The following KCNN4 variants were observed in gnomAD, a reference collection of about 807,000 sequenced individuals.
KCNN4 encodes intermediate conductance calcium-activated potassium channel protein 4.
A neutral mutation model predicts 45.2 loss-of-function variants in KCNN4; 31 were observed. That is an observed-to-expected ratio of 0.69 (90% confidence interval 0.52 to 0.92). KCNN4 has a LOEUF of 0.92. Among genes scored for constraint, KCNN4 ranks in the 40% least tolerant of loss-of-function variants. The probability of loss-of-function intolerance (pLI) is 0.00; values close to 1 mark genes in which losing one functional copy is unlikely to be tolerated. For missense variants in KCNN4, 463 were observed against 574.0 expected (o/e 0.81, Z 1.98); for synonymous variants, 231 against 254.6 (o/e 0.91, Z 0.88).
intron 7 of KCNN4, 101 bp downstream of exon 7, chr19:43,768,862 G>T (rs1466432099): frequency 5.5e-6 from 6 of 1,092,936 alleles, no homozygotes; most frequent in South Asian, 2.5e-5. Context: ...GGCTGTGTGT[G>T]CCAGGCCCCT....
intron 4 of KCNN4, among the ~76,000 whole-genome samples, chr19:43,771,654 A>G (rs1289813977): frequency 1.3e-5 from 2 of 152,110 alleles, no homozygotes; most frequent in Non-Finnish European, 2.9e-5. Context: ...AGAGAGAGCA[A>G]GGACTTAGGG....
intron 1 of KCNN4, among the ~76,000 whole-genome samples, chr19:43,778,250 T>C (rs1327531679): frequency 1.3e-5 from 2 of 152,156 alleles, no homozygotes; most frequent in Non-Finnish European, 2.9e-5. Flanking sequence ...TTGTCTCTTT[T>C]TTTTTTTGAG....
chr19:43,767,758 C>T (rs1969524845), intron 7 of KCNN4, 51 bp from the exon 8 acceptor site: 1 of 1,607,536 alleles, frequency 6.2e-7, no homozygotes. Context: ...CGACCCCCAC[C>T]TACTCCATAG....
chr19:43,772,233 G>C lies in KCNN4; in HGVS notation c.684-98C>G. ...ATACCCTCCCATCCCCTTCCCTCTGGTTCCCTCCCTTCCCCTCCCAGTATA... is the reference window on the plus strand; with the variant it reads ...ATACCCTCCCATCCCCTTCCCTCTGCTTCCCTCCCTTCCCCTCCCAGTATA... On this transcript the variant is annotated intron_variant, in intron 3 of 8. Coordinates refer to ENST00000648319, the MANE Select transcript of KCNN4 (RefSeq NM_002250.3). The surrounding 1 kb of genome is among the most constrained non-coding windows in gnomAD (Gnocchi z 4.4). The C allele has an allele frequency of 7.4e-7, 1 of 1,348,282 alleles. No individual in the cohort carries two copies. Among genetic ancestry groups the C allele is most frequent in the Non-Finnish European group, 1.0e-6 (1 of 988,590 alleles). The allele number at this position is 1,348,282 out of a possible 1,614,324, so 83.5% of individuals were successfully genotyped here. A position where few individuals can be genotyped will look rare whatever the true frequency, so the allele number is the denominator to read the frequency against.
rs1418391975 is a variant in KCNN4, at chr19:43,780,809, A to G, written c.53T>C (p.Leu18Ser). ...GGCCAGAGACTTCTCCTGCTCCAGC[A>G]AGCGCTTTCGGCGTCTCAAGGCCCC... ...GLGALRRRKR[L>S]LEQEKSLAGW... The change falls in exon 1 of 9, where the codon TTG becomes TCG. Residue 18 changes from leucine to serine, a missense_variant. This residue lies in a region of KCNN4 where 225 missense variants were observed against 240.9 expected (regional missense o/e 0.93). Transcript: ENST00000648319. 1 of 1,613,842 alleles carries G rather than the reference A, an allele frequency of 6.2e-7. No homozygotes were observed. Among genetic ancestry groups the G allele is most frequent in the African/African-American group, 1.3e-5 (1 of 74,840 alleles).
At chr19:43,775,349 T>G (rs1969769778) in intron 2 of KCNN4, among the ~76,000 whole-genome samples, 1 of 151,860 alleles carries the variant, frequency 6.6e-6, no homozygotes, top group Non-Finnish European at 1.5e-5. Flanking sequence ...ACAATAACAA[T>G]AACAAAATCA....
chr19:43,768,323 G>C (rs1021828495), intron 7 of KCNN4, among the ~76,000 whole-genome samples: 1 of 152,236 alleles, frequency 6.6e-6, no homozygotes, highest in Non-Finnish European at 1.5e-5. Flanking sequence ...ACTGTCGTGG[G>C]CTAACGAGAA....
chr19:43,768,339 A>G (rs948816002), intron 7 of KCNN4, among the ~76,000 whole-genome samples: 1 of 152,254 alleles, frequency 6.6e-6, no homozygotes, highest in Admixed American at 6.5e-5. Context: ...GAGAAAAAGC[A>G]AAGGCCACCA....
At position 43,769,391 on chromosome 19, in the gene KCNN4, G is replaced by A; in HGVS notation, c.1049+51C>T. The stretch of plus-strand genomic sequence containing the variant: ...CACACACACAGCCGTGCAGAGAGGT[G>A]ACTTGGACATGGGTGCACATGGACA... On this transcript the variant is annotated intron_variant, in intron 6 of 8. Transcript: ENST00000648319. The surrounding 1 kb of genome is among the most constrained non-coding windows in gnomAD (Gnocchi z 4.4). The A allele has an allele frequency of 1.4e-6, 2 of 1,430,554 alleles. No homozygotes were observed. Among genetic ancestry groups the A allele is most frequent in the South Asian group, 2.3e-5 (2 of 87,334 alleles). 88.6% of individuals were successfully genotyped at this position (1,430,554 alleles called of 1,614,324 possible).
Position 43,767,571 on chromosome 19 carries a change from A to C in KCNN4, c.1256T>G (p.Leu419Arg). Residue 419 changes from leucine (L) to arginine (R), a missense_variant, in exon 8 of 9, where the codon CTT becomes CGT. Around this residue, in one of 3 missense-constraint regions of KCNN4, gnomAD observed 129 missense variants for 149.4 expected, o/e 0.86. Coordinates refer to ENST00000648319, the MANE Select transcript of KCNN4 (RefSeq NM_002250.3). ...CTTGGACTGCTGGCTGGGTTCTGGA[A>C]GCTGCCTCGGCCCCAGGGCAGTGCT... ...LLSTALGPRQ[L>R]PEPSQQSK 1.9e-6 allele frequency: 3 copies of C among 1,613,954 alleles called. No homozygotes were observed. The highest frequency in any genetic ancestry group is 2.7e-5 in the African/African-American group (2 of 75,002).
intron 1 of KCNN4, 63 bp downstream of exon 1, chr19:43,780,621 CTCAGACCCAAGAGTCCTGA>C: frequency 5.1e-5 from 29 of 572,120 alleles, no homozygotes; most frequent in Middle Eastern, 3.1e-4. Flanking sequence ...CCCCCCCTCC[CTCAGACCCAAGAGTCCTGA>C]CCCCCAGCCC....
At chr19:43,768,811 A>C (rs777863892) in intron 7 of KCNN4, 152 bp downstream of exon 7, 5 of 676,000 alleles carry the variant, frequency 7.4e-6, no homozygotes, top group Admixed American at 2.3e-5. Flanking sequence ...TGCATCATTC[A>C]TTCCTTCCTT....
chr19:43,774,515 C>T lies in KCNN4; in HGVS notation c.360G>A (p.Ala120=). 6.3e-7 allele frequency: 1 copy of T among 1,596,454 alleles called. No individual in the cohort carries two copies. The part of the protein sequence containing the change: ...LELVVCGLHP[A]PVRGPPCVQD... ...GCACGCACGGCGGGCCCCGCACGGG[C>T]GCCGGGTGCAGCCCACACACCACCA... The change falls in exon 3 of 9, where the codon GCG becomes GCA. Residue 120 remains alanine, a synonymous_variant. Transcript: ENST00000648319. This position sits in a 1 kb window ranked among gnomAD's most constrained non-coding sequence, Gnocchi z 5.6.
intron 7 of KCNN4, 69 bp downstream of exon 7, chr19:43,768,894 G>T: frequency 6.6e-7 from 1 of 1,517,966 alleles, no homozygotes; most frequent in Non-Finnish European, 9.2e-7. Context: ...CTGTTCTAGG[G>T]CCAGATTTCC....
intron 1 of KCNN4, among the ~76,000 whole-genome samples, chr19:43,777,326 GGT>G (rs886463877): frequency 1.1e-4 from 15 of 141,512 alleles, no homozygotes; most frequent in African/African-American, 4.1e-4. Context: ...TGTGTGTGTG[GGT>G]GTGTGTGTGT....
Position 43,774,984 on chromosome 19 carries a change from C to G in KCNN4, c.256-365G>C, listed in dbSNP as rs925978520. On this transcript the variant is annotated intron_variant, in intron 2 of 8. Coordinates refer to ENST00000648319, the MANE Select transcript of KCNN4 (RefSeq NM_002250.3). The surrounding 1 kb of genome is among the most constrained non-coding windows in gnomAD (Gnocchi z 5.6). ...CACATGCCTGGAGCTCGCTCCTACT[C>G]CCCTTTCGGTTGACACGCGTAATAA... Among the ~76,000 whole-genome samples the G allele has an allele frequency of 6.6e-6, 1 of 152,214 alleles. No individual in the cohort carries two copies. Among genetic ancestry groups the G allele is most frequent in the African/African-American group, 2.4e-5 (1 of 41,458 alleles).
rs1969747937 is a variant in KCNN4 at position 43,774,676 on chromosome 19, C to T, written c.256-57G>A. 3 of 1,405,168 alleles carry T rather than the reference C, an allele frequency of 2.1e-6. No individual in the cohort carries two copies. The highest frequency in any genetic ancestry group is 2.8e-6 in the Non-Finnish European group (3 of 1,079,508). The allele number at this position is 1,405,168 out of a possible 1,614,324, so 87.0% of individuals were successfully genotyped here. A position where few individuals can be genotyped will look rare whatever the true frequency, so the allele number is the denominator to read the frequency against. On this transcript the variant is annotated intron_variant, in intron 2 of 8. Coordinates refer to ENST00000648319, the MANE Select transcript of KCNN4 (RefSeq NM_002250.3). The surrounding 1 kb of genome is among the most constrained non-coding windows in gnomAD (Gnocchi z 5.6). The stretch of plus-strand genomic sequence containing the variant: ...AGGAGCAGGTCAGGCGCAGGTCAGG[C>T]GGCGGCCCGCGCCTGCCTGCGCCCT...
intron 4 of KCNN4, among the ~76,000 whole-genome samples, chr19:43,770,199 C>G (rs1052006858): frequency 2.6e-5 from 4 of 152,098 alleles, no homozygotes; most frequent in African/African-American, 9.7e-5. Context: ...CAACTTCTTC[C>G]TAGCTCCAGC....
rs1969663204 is a variant in KCNN4, at chr19:43,772,222, C to T, written c.684-87G>A. On this transcript the variant is annotated intron_variant, in intron 3 of 8. Transcript: ENST00000648319. The surrounding 1 kb of genome is among the most constrained non-coding windows in gnomAD (Gnocchi z 4.4). ...CCCTTCCCTCTATACCCTCCCATCCCCTTCCCTCTGGTTCCCTCCCTTCCC... is the reference window on the plus strand; with the variant it reads ...CCCTTCCCTCTATACCCTCCCATCCTCTTCCCTCTGGTTCCCTCCCTTCCC... 1.4e-6 allele frequency: 2 copies of T among 1,444,236 alleles called. No individual in the cohort carries two copies. The highest frequency in any genetic ancestry group is 2.5e-5 in the East Asian group (1 of 40,192). 89.5% of individuals were successfully genotyped at this position (1,444,236 alleles called of 1,614,324 possible).
Sources: gnomAD v4.1 joint callset for allele counts (sites outside exome capture counted in the v4.1 genomes callset) on GRCh38, gnomAD v4.1.1 for gene constraint, gnomAD v4.1.1 regional missense constraint, Gnocchi (gnomAD v3.1) non-coding constraint, MANE v1.5 for transcripts, NCBI Gene and HGNC (gene_info 2026-07-23, HGNC 2026-07-21) for gene names.